LGR4: variants seen among roughly 807,000 people sequenced by gnomAD.
LGR4 encodes leucine rich repeat containing G protein-coupled receptor 4, also known as leucine-rich repeat-containing G protein-coupled receptor 4.
LGR4 carries 44 observed loss-of-function variants against 84.8 expected under a neutral mutation model. The observed-to-expected ratio is 0.52, with a 90% CI of 0.41 to 0.67. The LOEUF (loss-of-function observed/expected upper bound fraction) is 0.67. LGR4 is among the 30% of genes least tolerant of loss of function. The pLI, the probability that LGR4 is intolerant of heterozygous loss-of-function variation, is 0.00. For synonymous variants in LGR4, 429 were observed against 434.3 expected (o/e 0.99, Z 0.15); for missense variants, 1,032 against 1,131.4 (o/e 0.91, Z 1.26).
At chr11:27,398,903 C>T (rs1284091272) in intron 2 of LGR4, among the ~76,000 whole-genome samples, 1 of 152,084 alleles carries the variant, frequency 6.6e-6, no homozygotes, top group Non-Finnish European at 1.5e-5. Context: ...CTCTTTCTCT[C>T]TCTCTCTCTT....
intron 1 of LGR4, among the ~76,000 whole-genome samples, chr11:27,452,870 G>A (rs185146549): frequency 8.5e-4 from 128 of 150,716 alleles, no homozygotes; most frequent in African/African-American, 2.8e-3. Context: ...CCTTAATACC[G>A]TTGAAAACTA....
intron 1 of LGR4, among the ~76,000 whole-genome samples, chr11:27,414,661 G>A (rs1170081408): frequency 6.6e-6 from 1 of 152,098 alleles, no homozygotes; most frequent in Non-Finnish European, 1.5e-5. Context: ...TACTACTTTA[G>A]TCAGTGATCA....
At chr11:27,415,096 C>T (rs1863790996) in intron 1 of LGR4, among the ~76,000 whole-genome samples, 1 of 152,134 alleles carries the variant, frequency 6.6e-6, no homozygotes, top group Non-Finnish European at 1.5e-5. Context: ...CCAATAAAAT[C>T]ATTCTCAAGA....
chr11:27,421,597 A>G (rs908644575), intron 1 of LGR4, among the ~76,000 whole-genome samples: 6 of 152,356 alleles, frequency 3.9e-5, no homozygotes, highest in Non-Finnish European at 5.9e-5. Context: ...CAACACAACA[A>G]AAGGTATGTG....
In LGR4 at chr11:27,420,838, A is replaced by C. The variant is rs77526491; in HGVS notation, c.186-7978T>G. ...GTGAAAGCATGGTCAAATGAGATAAAACCAGAGTGGTCAAAGAGATAAAAC... is the reference window on the plus strand; with the variant it reads ...GTGAAAGCATGGTCAAATGAGATAACACCAGAGTGGTCAAAGAGATAAAAC... On this transcript the variant is annotated intron_variant, in intron 1 of 17. Coordinates refer to ENST00000379214, the MANE Select transcript of LGR4 (RefSeq NM_018490.5). Among the ~76,000 whole-genome samples the C allele has an allele frequency of 5.6e-4, 86 of 152,250 alleles. No individual in the cohort carries two copies. The East Asian group carries it at 0.017, about 29-fold the overall frequency.
intron 1 of LGR4, among the ~76,000 whole-genome samples, chr11:27,430,975 C>T (rs1481533001): frequency 6.6e-6 from 1 of 151,910 alleles, no homozygotes; most frequent in African/African-American, 2.4e-5. Context: ...TCTATTCTTC[C>T]CTAGCTCTTC....
chr11:27,419,621 T>C (rs1863887408), intron 1 of LGR4, among the ~76,000 whole-genome samples: 2 of 147,566 alleles, frequency 1.4e-5, no homozygotes, highest in Admixed American at 6.8e-5. Context: ...AAATATAATA[T>C]ATAATAATAT....
intron 2 of LGR4, among the ~76,000 whole-genome samples, chr11:27,398,481 G>A (rs1863432185): frequency 6.6e-6 from 1 of 152,200 alleles, no homozygotes; most frequent in Non-Finnish European, 1.5e-5. Flanking sequence ...TGGAATTCTA[G>A]CCAAGAATTA....
intron 1 of LGR4, among the ~76,000 whole-genome samples, chr11:27,442,927 A>T (rs1045379846): frequency 1.3e-5 from 2 of 152,242 alleles, no homozygotes; most frequent in African/African-American, 4.8e-5. Context: ...AAATAAAGGA[A>T]GTTAGTATTC....
rs929708349 is a variant in LGR4, at chr11:27,392,314, T to C, written c.329+133A>G. The C allele has an allele frequency of 4.7e-5, 30 of 641,764 alleles. No homozygotes were observed. In the South Asian group the frequency reaches 8.6e-4, roughly 18 times the overall value. The allele number at this position is 641,764 out of a possible 1,614,324, so 39.8% of individuals were successfully genotyped here. ...TAAATCAAACTCTGGCCTCTCATAC[T>C]ACTCACTGGCCACTCCTTAAATCTT... On this transcript the variant is annotated intron_variant, in intron 3 of 17. Transcript: ENST00000379214.
intron 1 of LGR4, among the ~76,000 whole-genome samples, chr11:27,433,279 C>G (rs1438858655): frequency 6.6e-6 from 1 of 152,202 alleles, no homozygotes; most frequent in Non-Finnish European, 1.5e-5. Flanking sequence ...GTGGCGCCAT[C>G]TCGGCTCACT....
intron 1 of LGR4, among the ~76,000 whole-genome samples, chr11:27,459,529 T>C (rs1391854494): frequency 6.6e-6 from 1 of 150,830 alleles, no homozygotes; most frequent in Non-Finnish European, 1.5e-5. Context: ...CAGGCTAGAG[T>C]GCAGTGGTGC....
At position 27,440,674 on chromosome 11, in the gene LGR4, T is replaced by C. The variant is rs571240782; in HGVS notation, c.186-27814A>G. On this transcript the variant is annotated intron_variant, in intron 1 of 17. Transcript: ENST00000379214. ...TCCCACAAAGACCCGGAGGCTTCTC[T>C]TTATTTTTCACTAAGAAGTATGGTT... Among the ~76,000 whole-genome samples the C allele has an allele frequency of 2.0e-5, 3 of 152,308 alleles. No homozygotes were observed. In the South Asian group the frequency reaches 6.2e-4, roughly 32 times the overall value.
At chr11:27,452,047 C>A (rs909988719) in intron 1 of LGR4, among the ~76,000 whole-genome samples, 1 of 152,140 alleles carries the variant, frequency 6.6e-6, no homozygotes, top group African/African-American at 2.4e-5. Flanking sequence ...CCAACAATTG[C>A]TCAATAGCAA....
Position 27,472,090 on chromosome 11 carries a change from C to A in LGR4, c.185+28G>T, listed in dbSNP as rs571974807. On this transcript the variant is annotated intron_variant, in intron 1 of 17. Transcript: ENST00000379214. Reference sequence around the variant, plus strand: ...CCGCTGGGCCCCGTTTCCTCCCCCCCCCTCGCGTCCCCGCCGCCCGCACTC... The same window carrying A: ...CCGCTGGGCCCCGTTTCCTCCCCCCACCTCGCGTCCCCGCCGCCCGCACTC... 2.4e-3 allele frequency: 3,079 copies of A among 1,287,014 alleles called. 141 individuals carry two copies. The East Asian group carries it at 0.086, about 36-fold the overall frequency. The allele number at this position is 1,287,014 out of a possible 1,614,324, so 79.7% of individuals were successfully genotyped here.
chr11:27,464,092 A>T (rs1180361997), intron 1 of LGR4, among the ~76,000 whole-genome samples: 1 of 152,236 alleles, frequency 6.6e-6, no homozygotes, highest in African/African-American at 2.4e-5. Flanking sequence ...TACAGAAAAG[A>T]GTTGATAGGC....
chr11:27,398,038 C>A (rs1863424052), intron 2 of LGR4, among the ~76,000 whole-genome samples: 1 of 152,208 alleles, frequency 6.6e-6, no homozygotes, highest in African/African-American at 2.4e-5. Context: ...CTATGAATCT[C>A]TTTTGTGTGC....
chr11:27,457,845 T>A (rs893118625), intron 1 of LGR4, among the ~76,000 whole-genome samples: 1 of 152,094 alleles, frequency 6.6e-6, no homozygotes, highest in Non-Finnish European at 1.5e-5. Flanking sequence ...AAATGAGTAC[T>A]GGCCAGGCAC....
intron 1 of LGR4, among the ~76,000 whole-genome samples, chr11:27,463,842 TTCATTTAATGTTCCC>T (rs1284687832): frequency 4.6e-5 from 7 of 152,184 alleles, no homozygotes; most frequent in African/African-American, 1.7e-4. Context: ...ATGTATTAAA[TTCATTTAATGTTCCC>T]TTCTTATGAA....
Sources: gnomAD v4.1 joint callset for allele counts (sites outside exome capture counted in the v4.1 genomes callset) on GRCh38, gnomAD v4.1.1 for gene constraint, MANE v1.5 for transcripts, NCBI Gene and HGNC (gene_info 2026-07-23, HGNC 2026-07-21) for gene names.